The following NAPEPLD variants were observed in gnomAD, a reference collection of about 807,000 sequenced individuals.
NAPEPLD encodes N-acyl phosphatidylethanolamine phospholipase D.
NAPEPLD carries 23 observed loss-of-function variants against 38.1 expected under a neutral mutation model. That is an observed-to-expected ratio of 0.60 (90% CI 0.43 to 0.86). NAPEPLD has a LOEUF of 0.86. Ranked by LOEUF, NAPEPLD falls within the 40% of genes least tolerant of loss-of-function variation. The pLI is 0.00. For missense variants in NAPEPLD, 411 were observed against 476.8 expected, an observed-to-expected ratio of 0.86 and a Z score of 1.28; for synonymous variants, 147 against 162.0, an observed-to-expected ratio of 0.91 and a Z score of 0.71.
chr7:103,124,367 A>G (rs1177549833), intron 2 of NAPEPLD, among the ~76,000 whole-genome samples: 1 of 152,148 alleles, frequency 6.6e-6, no homozygotes, highest in Non-Finnish European at 1.5e-5. Flanking sequence ...CTGAGGCAGG[A>G]GAACCGCTTG....
chr7:103,143,202 G>A (rs893346176), intron 1 of NAPEPLD, among the ~76,000 whole-genome samples: 1 of 152,124 alleles, frequency 6.6e-6, no homozygotes, highest in African/African-American at 2.4e-5. Flanking sequence ...ACTCCAGCCT[G>A]GGTGACAGAG....
intron 2 of NAPEPLD, among the ~76,000 whole-genome samples, chr7:103,123,540 T>A (rs768823203): frequency 9.2e-5 from 14 of 152,240 alleles, no homozygotes; most frequent in Non-Finnish European, 1.8e-4. Context: ...AACTACCTAA[T>A]GTATCAAGTA....
chr7:103,120,679 G>C (rs1034133642), intron 2 of NAPEPLD, among the ~76,000 whole-genome samples: 2 of 133,264 alleles, frequency 1.5e-5, no homozygotes, highest in African/African-American at 5.4e-5. Flanking sequence ...TCTCAGACAT[G>C]AATCATGAAT....
chr7:103,133,820 A>G (rs1027784838), intron 1 of NAPEPLD, among the ~76,000 whole-genome samples: 2 of 152,248 alleles, frequency 1.3e-5, no homozygotes, highest in African/African-American at 4.8e-5. Context: ...CTGAAAGTAG[A>G]TGTGTACATG....
At position 103,149,018 on chromosome 7, in the gene NAPEPLD, G is replaced by C. The variant is rs1356930470; in HGVS notation, c.-224C>G. On this transcript the variant is annotated 5_prime_UTR_variant, in exon 1 of 5. Transcript: ENST00000465647. ...ACAAGTGCGGCATCTCCGAGATGAG[G>C]GAGGGCTCGGGGACGGGAAACCCAC... 2.5e-5 allele frequency: 25 copies of C among 985,304 alleles called. No homozygotes were observed. Among genetic ancestry groups the C allele is most frequent in the Non-Finnish European group, 2.9e-5 (24 of 829,954 alleles). The allele number at this position is 985,304 out of a possible 1,614,324, so 61.0% of individuals were successfully genotyped here. A position where few individuals can be genotyped will look rare whatever the true frequency, so the allele number is the denominator to read the frequency against.
At chr7:103,148,589 A>G (rs937861007) in intron 1 of NAPEPLD, among the ~76,000 whole-genome samples, 1 of 151,924 alleles carries the variant, frequency 6.6e-6, no homozygotes, top group Non-Finnish European at 1.5e-5. Flanking sequence ...AACTCAAGAA[A>G]GCACAGCCTT....
At chr7:103,114,831 A>G (rs1020601620) in intron 4 of NAPEPLD, among the ~76,000 whole-genome samples, 1 of 147,406 alleles carries the variant, frequency 6.8e-6, no homozygotes, top group South Asian at 2.3e-4. Context: ...AACTTCAGAA[A>G]TAAGCCAAAA....
intron 1 of NAPEPLD, among the ~76,000 whole-genome samples, chr7:103,148,421 T>C (rs558894680): frequency 7.3e-6 from 1 of 136,708 alleles, no homozygotes; most frequent in South Asian, 2.3e-4. Flanking sequence ...CCGGAACCCA[T>C]GGAAGAGTAT....
chr7:103,103,354 A>T lies in NAPEPLD; in HGVS notation c.*75T>A, dbSNP rs1365952683. ...ATGTAAAATAATCACAATATTCATG[A>T]ATTTCTAAGTCTTTTCATTTGTTTT... is the stretch of plus-strand genomic sequence containing the variant. On this transcript the variant is annotated 3_prime_UTR_variant, in exon 5 of 5. Transcript: ENST00000465647. 7 of 1,429,772 alleles carry T rather than the reference A, an allele frequency of 4.9e-6. No individual in the cohort carries two copies. Among genetic ancestry groups the T allele is most frequent in the Non-Finnish European group, 6.6e-6 (7 of 1,067,094 alleles). 88.6% of individuals were successfully genotyped at this position (1,429,772 alleles called of 1,614,324 possible).
At chr7:103,124,429 G>A (rs1232367651) in intron 2 of NAPEPLD, among the ~76,000 whole-genome samples, 2 of 151,930 alleles carry the variant, frequency 1.3e-5, no homozygotes, top group African/African-American at 4.8e-5. Context: ...CTGCACTCCA[G>A]CCTGGGCAAC....
chr7:103,120,298 A>C, intron 2 of NAPEPLD, 75 bp from the exon 3 acceptor site: 2 of 1,471,888 alleles, frequency 1.4e-6, no homozygotes, highest in South Asian at 1.4e-5. Context: ...CCACATTTTG[A>C]CCTAAATAAT....
At chr7:103,130,250 C>A (rs139539696) in intron 1 of NAPEPLD, among the ~76,000 whole-genome samples, 1 of 152,096 alleles carries the variant, frequency 6.6e-6, no homozygotes, top group South Asian at 2.1e-4. Context: ...TACACAGAAC[C>A]AAAACTTTTT....
chr7:103,140,766 T>C (rs776821275), intron 1 of NAPEPLD, among the ~76,000 whole-genome samples: 8 of 152,124 alleles, frequency 5.3e-5, no homozygotes, highest in Non-Finnish European at 8.8e-5. Flanking sequence ...AGAAGACTCA[T>C]TGATAGTCTC....
chr7:103,103,525 A>C lies in NAPEPLD; in HGVS notation c.1086T>G (p.Asn362Lys). The C allele has an allele frequency of 1.3e-6, 2 of 1,593,872 alleles. No individual in the cohort carries two copies. The highest frequency in any genetic ancestry group is 1.7e-6 in the Non-Finnish European group (2 of 1,174,822). ...TAAGTCCGTATCTCTCTAGAGCTTC[A>C]TTCAGCTTCACTGGAGGCTCTAAGT... The part of the protein sequence containing the change: ...EHYLEPPVKL[N>K]EALERYGLNA... Residue 362 changes from asparagine to lysine, a missense_variant, in exon 5 of 5, where the codon AAT becomes AAG. Coordinates refer to ENST00000465647, the MANE Select transcript of NAPEPLD (RefSeq NM_001122838.3).
upstream of NAPEPLD, chr7:103,149,289 G>T: frequency 9.3e-7 from 1 of 1,069,538 alleles, no homozygotes; most frequent in Non-Finnish European, 1.1e-6. Flanking sequence ...CTCGCGCTTG[G>T]GGTGGCCGGG....
chr7:103,119,506 A>G (rs1054472775), intron 3 of NAPEPLD, 71 bp downstream of exon 3: 299 of 1,505,258 alleles, frequency 2.0e-4, no homozygotes, highest in Non-Finnish European at 2.5e-4. Flanking sequence ...CACAAAAATC[A>G]TAATTGCTTT....
chr7:103,114,471 C>T (rs1805180528), intron 4 of NAPEPLD, among the ~76,000 whole-genome samples: 1 of 152,192 alleles, frequency 6.6e-6, no homozygotes, highest in Non-Finnish European at 1.5e-5. Flanking sequence ...TTGCCCTCCA[C>T]TCTCCTGCTG....
chr7:103,104,133 TGGGAGTCAC>T (rs1479608003), intron 4 of NAPEPLD, among the ~76,000 whole-genome samples: 1 of 152,158 alleles, frequency 6.6e-6, no homozygotes, highest in African/African-American at 2.4e-5. Context: ...AATTGCTAAA[TGGGAGTCAC>T]CCTTTACTGA....
intron 1 of NAPEPLD, among the ~76,000 whole-genome samples, chr7:103,136,587 C>A (rs1196107126): frequency 0.011 from 1,029 of 95,842 alleles, no homozygotes; most frequent in African/African-American, 0.022. Context: ...CTCTGTCTCA[C>A]AAAAAAAAAA....
Sources: gnomAD v4.1 joint callset for allele counts (sites outside exome capture counted in the v4.1 genomes callset) on GRCh38, gnomAD v4.1.1 for gene constraint, MANE v1.5 for transcripts, NCBI Gene and HGNC (gene_info 2026-07-23, HGNC 2026-07-21) for gene names.